Variants in IGF2BP1 observed in about 807,000 individuals in gnomAD.
IGF2BP1 encodes insulin like growth factor 2 mRNA binding protein 1.
Under a neutral mutation model 74.9 loss-of-function variants are expected in IGF2BP1, and 11 were observed. The ratio of observed to expected loss-of-function variants is 0.15; its 90% CI spans 0.09 to 0.24. The LOEUF (loss-of-function observed/expected upper bound fraction) is 0.24. Ranked by LOEUF, IGF2BP1 falls within the 10% of genes least tolerant of loss-of-function variation. The pLI, the probability that IGF2BP1 is intolerant of heterozygous loss-of-function variation, is 1.00. For missense variants in IGF2BP1, 440 were observed against 757.4 expected (o/e 0.58, Z 4.92); for synonymous variants, 287 against 281.8 (o/e 1.02, Z -0.18).
chr17:49,034,111 G>GC (rs202010374), intron 5 of IGF2BP1, among the ~76,000 whole-genome samples: 64 of 135,276 alleles, frequency 4.7e-4, no homozygotes, highest in Admixed American at 2.3e-3. Context: ...ATCATGATTT[G>GC]CCCCTTTTTT....
At chr17:49,001,472 T>G (rs1002587562) in intron 2 of IGF2BP1, among the ~76,000 whole-genome samples, 1 of 152,158 alleles carries the variant, frequency 6.6e-6, no homozygotes, top group African/African-American at 2.4e-5. Context: ...TTTGTTTTGT[T>G]TTTTAAGAGG....
intron 2 of IGF2BP1, among the ~76,000 whole-genome samples, chr17:49,002,319 A>C (rs978477245): frequency 6.6e-6 from 1 of 152,162 alleles, no homozygotes; most frequent in Admixed American, 6.5e-5. Flanking sequence ...AATGGCAAAA[A>C]ATATTTTAAA....
chr17:49,017,360 G>A (rs971566406), intron 2 of IGF2BP1, among the ~76,000 whole-genome samples: 47 of 152,048 alleles, frequency 3.1e-4, no homozygotes, highest in African/African-American at 1.1e-3. Context: ...CTATGTGCTG[G>A]GTACTGTAGC....
At chr17:49,046,422 G>T (rs543619291) in intron 14 of IGF2BP1, 49 bp downstream of exon 14, 2 of 1,339,530 alleles carry the variant, frequency 1.5e-6, no homozygotes, top group South Asian at 1.2e-5. Context: ...AGCCCAGGGA[G>T]CAGAGAAGCA....
chr17:49,055,175 T>C lies in IGF2BP1; in HGVS notation c.*5731T>C, dbSNP rs1318000972. On this transcript the variant is annotated 3_prime_UTR_variant, in exon 15 of 15. Transcript: ENST00000290341. The stretch of plus-strand genomic sequence containing the variant: ...AAAAAACCAAAAAAAAAAATTTTTT[T>C]TTAAAAGGGAGACATTTTCCAGTGA... 1 of 152,884 alleles carries C rather than the reference T, an allele frequency of 6.5e-6. No individual in the cohort carries two copies. The highest frequency in any genetic ancestry group is 2.4e-5 in the African/African-American group (1 of 41,418). The allele number at this position is 152,884 out of a possible 1,614,324, so 9.5% of individuals were successfully genotyped here.
rs866568574 is a variant in IGF2BP1 at position 49,019,936 on chromosome 17, A to T, written c.237-5682A>T. ...TATATATATATATATATATATATAT[A>T]TATATATATATATTTATATACACAC... is the stretch of plus-strand genomic sequence containing the variant. On this transcript the variant is annotated intron_variant, in intron 2 of 14. Coordinates refer to ENST00000290341, the MANE Select transcript of IGF2BP1 (RefSeq NM_006546.4). Among the ~76,000 whole-genome samples, 279 of 62,548 alleles carry T rather than the reference A, an allele frequency of 4.5e-3. 10 individuals are homozygous for T. Among genetic ancestry groups the T allele is most frequent in the African/African-American group, 0.023 (266 of 11,684 alleles). The allele number at this position is 62,548 out of a possible 152,430, so 41.0% of individuals were successfully genotyped here. A position where few individuals can be genotyped will look rare whatever the true frequency, so the allele number is the denominator to read the frequency against.
At chr17:49,018,562 GA>G (rs2041737761) in intron 2 of IGF2BP1, among the ~76,000 whole-genome samples, 3 of 151,800 alleles carry the variant, frequency 2.0e-5, no homozygotes, top group Admixed American at 1.3e-4. Context: ...GGATGGATTC[GA>G]AAGTCTTCAT....
At chr17:49,032,058 G>T (rs2041927916) in intron 5 of IGF2BP1, 85 bp downstream of exon 5, 2 of 1,216,482 alleles carry the variant, frequency 1.6e-6, no homozygotes, top group Admixed American at 1.8e-5. Flanking sequence ...TTTTTCCTCA[G>T]GGGGGTCTAG....
chr17:49,041,568 C>T (rs1418522017), intron 8 of IGF2BP1, 68 bp downstream of exon 8: 1 of 1,589,438 alleles, frequency 6.3e-7, no homozygotes, highest in Non-Finnish European at 8.6e-7. Context: ...AGTATTTCAT[C>T]ATGGAACCTT....
intron 2 of IGF2BP1, chr17:49,014,927 G>T: frequency 1.0e-6 from 1 of 985,264 alleles, no homozygotes; most frequent in Non-Finnish European, 1.2e-6. Context: ...TCCCTCTGGA[G>T]GACAGAGCCC....
intron 4 of IGF2BP1, among the ~76,000 whole-genome samples, chr17:49,027,806 C>A (rs900375545): frequency 1.2e-4 from 16 of 129,352 alleles, no homozygotes; most frequent in Non-Finnish European, 2.2e-4. Context: ...GAGCAGAGAT[C>A]GCGCCACTGC....
intron 5 of IGF2BP1, among the ~76,000 whole-genome samples, chr17:49,034,016 A>G (rs528862269): frequency 1.2e-3 from 176 of 150,496 alleles, no homozygotes; most frequent in Non-Finnish European, 2.3e-3. Context: ...TAGAGATGGG[A>G]GTCTCGCTAT....
chr17:49,041,030 T>C (rs542141711), intron 7 of IGF2BP1, among the ~76,000 whole-genome samples: 2 of 151,944 alleles, frequency 1.3e-5, no homozygotes, highest in East Asian at 3.9e-4. Flanking sequence ...AATAGAAAAA[T>C]CAGCTGGACG....
At chr17:49,021,424 T>G (rs2041790979) in intron 2 of IGF2BP1, among the ~76,000 whole-genome samples, 1 of 152,152 alleles carries the variant, frequency 6.6e-6, no homozygotes, top group Non-Finnish European at 1.5e-5. Context: ...ACTCAGTCTT[T>G]GTGGCTCTTA....
At chr17:49,042,212 G>C in intron 8 of IGF2BP1, 30 bp from the exon 9 acceptor site, 1 of 1,613,894 alleles carries the variant, frequency 6.2e-7, no homozygotes, top group East Asian at 2.2e-5. Context: ...GCCTGCCAGT[G>C]AAAGGACACA....
At chr17:49,015,321 C>T (rs904229533) in intron 2 of IGF2BP1, among the ~76,000 whole-genome samples, 16 of 152,132 alleles carry the variant, frequency 1.1e-4, no homozygotes, top group African/African-American at 3.9e-4. Flanking sequence ...GCATCTCCAC[C>T]GGGGGCGAGT....
At position 49,049,327 on chromosome 17, in the gene IGF2BP1, A is replaced by G. The variant is rs774998307; in HGVS notation, c.1642-25A>G. ...CTGTCTCCTTGGAGGTCTCACACCC[A>G]CTCTCTTGCCTGTTCTTGCTGCAGA... On this transcript the variant is annotated intron_variant, in intron 14 of 14. Transcript: ENST00000290341. 5.6e-6 allele frequency: 9 copies of G among 1,610,458 alleles called. No individual in the cohort carries two copies. In the South Asian group the frequency reaches 9.9e-5, roughly 18 times the overall value.
At chr17:49,026,640 C>A in intron 4 of IGF2BP1, 123 bp downstream of exon 4, 1 of 753,382 alleles carries the variant, frequency 1.3e-6, no homozygotes, top group South Asian at 1.7e-5. Context: ...TTCCTGCCTT[C>A]CTTCCTGCCT....
rs1348946078 is a variant in IGF2BP1 at position 48,997,476 on chromosome 17, C to G, written c.-270C>G. 6.2e-6 allele frequency: 2 copies of G among 320,442 alleles called. No individual in the cohort carries two copies. The highest frequency in any genetic ancestry group is 1.1e-5 in the Non-Finnish European group (2 of 175,524). The allele number at this position is 320,442 out of a possible 1,614,324, so 19.8% of individuals were successfully genotyped here. A position where few individuals can be genotyped will look rare whatever the true frequency, so the allele number is the denominator to read the frequency against. On this transcript the variant is annotated 5_prime_UTR_variant, in exon 1 of 15. Coordinates refer to ENST00000290341, the MANE Select transcript of IGF2BP1 (RefSeq NM_006546.4). The surrounding 1 kb of genome is among the most constrained non-coding windows in gnomAD (Gnocchi z 4.8). Reference sequence around the variant, plus strand: ...CACACCAGCCCTCTCGGAGGGGTTTCGGACCGAAGGGAAGAAGCTGCGCCG... The same window carrying G: ...CACACCAGCCCTCTCGGAGGGGTTTGGGACCGAAGGGAAGAAGCTGCGCCG...
Sources: allele counts gnomAD v4.1 joint callset (sites outside exome capture counted in the v4.1 genomes callset), GRCh38; gene constraint gnomAD v4.1.1; non-coding constraint Gnocchi (gnomAD v3.1); transcripts MANE v1.5; gene names NCBI Gene and HGNC (gene_info 2026-07-23, HGNC 2026-07-21).